The following PGBD2 variants were observed in gnomAD, a reference collection of about 807,000 sequenced individuals.
The protein encoded by PGBD2 is piggyBac transposable element-derived protein 2.
A neutral mutation model predicts 8.1 loss-of-function variants in PGBD2; 6 were observed. That is an observed-to-expected ratio of 0.74 (90% CI 0.40 to 1.46). The LOEUF is 1.46. PGBD2 is among the 40% of genes most tolerant of loss of function. The pLI is 0.02. For synonymous variants in PGBD2, 318 were observed against 272.2 expected, an observed-to-expected ratio of 1.17 and a Z score of -1.66; for missense variants, 802 against 739.0, an observed-to-expected ratio of 1.09 and a Z score of -0.99.
Position 248,916,997 on chromosome 1 carries a change from A to C in PGBD2, c.413A>C (p.Glu138Ala), listed in dbSNP as rs1203648787. ...DPHIEDLKSQELSPVGLFELF... is the reference protein window; with the variant it reads ...DPHIEDLKSQALSPVGLFELF... The stretch of plus-strand genomic sequence containing the variant: ...CATATTGAGGATCTGAAAAGCCAAG[A>C]GCTGAGTCCCGTGGGCCTTTTTGAG... The change falls in exon 3 of 3, where the codon GAG becomes GCG. Residue 138 changes from glutamate to alanine, a missense_variant. Coordinates refer to ENST00000329291, the MANE Select transcript of PGBD2 (RefSeq NM_170725.3). 1 of 1,613,254 alleles carries C rather than the reference A, an allele frequency of 6.2e-7. No homozygotes were observed. The highest frequency in any genetic ancestry group is 1.3e-5 in the African/African-American group (1 of 74,770).
the PGBD2 span, among the ~76,000 whole-genome samples, chr1:248,878,467 G>A: frequency 1.1e-4 from 17 of 152,130 alleles, no homozygotes; most frequent in Non-Finnish European, 1.9e-4. Context: ...GTGAGCCACC[G>A]CACCTGCTTC....
chr1:248,911,493 A>G (rs1424470366), intron 1 of PGBD2, among the ~76,000 whole-genome samples: 2 of 147,518 alleles, frequency 1.4e-5, no homozygotes, highest in South Asian at 4.2e-4. Flanking sequence ...ACAGAACAAA[A>G]CGAAAAGTCT....
At chr1:248,880,715 C>G in the PGBD2 span, among the ~76,000 whole-genome samples, 2 of 152,078 alleles carry the variant, frequency 1.3e-5, no homozygotes, top group Admixed American at 6.6e-5. Flanking sequence ...AACTGTTAGT[C>G]TTTGTTCCTC....
At chr1:248,898,377 C>A in the PGBD2 span, among the ~76,000 whole-genome samples, 4 of 152,168 alleles carry the variant, frequency 2.6e-5, no homozygotes, top group African/African-American at 9.7e-5. Context: ...GCCACCTTTG[C>A]TCTCCTGACC....
the PGBD2 span, among the ~76,000 whole-genome samples, chr1:248,889,255 C>T: frequency 1.3e-5 from 2 of 151,974 alleles, no homozygotes; most frequent in Non-Finnish European, 2.9e-5. Context: ...TGTGGTGGTG[C>T]GTGCCTGTAA....
At chr1:248,873,826 G>T in the PGBD2 span, among the ~76,000 whole-genome samples, 1 of 152,216 alleles carries the variant, frequency 6.6e-6, no homozygotes, top group Non-Finnish European at 1.5e-5. Flanking sequence ...CAAGTATGAG[G>T]CTAAGTGAGA....
downstream of PGBD2, among the ~76,000 whole-genome samples, chr1:248,924,809 T>G (rs540001112): frequency 1.8e-3 from 279 of 152,326 alleles, no homozygotes; most frequent in Admixed American, 3.7e-3. Context: ...TTGCTGCCAC[T>G]GGCCCCGGCA....
chr1:248,877,564 C>T, the PGBD2 span, among the ~76,000 whole-genome samples: 2 of 151,948 alleles, frequency 1.3e-5, no homozygotes, highest in Admixed American at 1.3e-4. Context: ...GGCTTGGATC[C>T]TGGTAAAACA....
At chr1:248,888,066 C>T in the PGBD2 span, among the ~76,000 whole-genome samples, 28 of 152,210 alleles carry the variant, frequency 1.8e-4, no homozygotes, top group Admixed American at 1.8e-3. Context: ...CAGCTGCATA[C>T]ATGTTGCTGC....
chr1:248,928,636 C>T, the PGBD2 span, among the ~76,000 whole-genome samples: 1,216 of 150,490 alleles, frequency 8.1e-3, 9 homozygotes, highest in Non-Finnish European at 0.013. Context: ...CACTGCATTC[C>T]AGGAACAGTA....
the PGBD2 span, among the ~76,000 whole-genome samples, chr1:248,892,269 C>T: frequency 6.9e-5 from 8 of 115,704 alleles, no homozygotes; most frequent in Non-Finnish European, 8.3e-5. Context: ...CTCCCTCCCT[C>T]CCTCCCTTCC....
the PGBD2 span, among the ~76,000 whole-genome samples, chr1:248,925,329 T>G: frequency 6.6e-6 from 1 of 152,144 alleles, no homozygotes; most frequent in Admixed American, 6.5e-5. Context: ...GGGCGGGCAG[T>G]GGGGCCCAGG....
intron 2 of PGBD2, chr1:248,914,702 CAT>C: frequency 1.1e-6 from 1 of 915,074 alleles, no homozygotes; most frequent in Non-Finnish European, 1.5e-6. Flanking sequence ...AGTCCATTCT[CAT>C]AGCCAGGGTG....
At chr1:248,924,247 T>C (rs1662342513), downstream of PGBD2, among the ~76,000 whole-genome samples, 1 of 152,188 alleles carries the variant, frequency 6.6e-6, no homozygotes, top group East Asian at 1.9e-4. Context: ...CTTATGCGCT[T>C]TTTTTCTAAG....
At chr1:248,897,285 C>T in the PGBD2 span, among the ~76,000 whole-genome samples, 7 of 130,106 alleles carry the variant, frequency 5.4e-5, no homozygotes, top group African/African-American at 2.6e-4. Context: ...AGTTGCTAGC[C>T]GATCGGAACA....
chr1:248,881,809 T>G, the PGBD2 span, among the ~76,000 whole-genome samples: 1 of 152,224 alleles, frequency 6.6e-6, no homozygotes, highest in South Asian at 2.1e-4. Flanking sequence ...ATGAGTACTG[T>G]TTGGTGCATG....
At chr1:248,926,455 G>A in the PGBD2 span, among the ~76,000 whole-genome samples, 1 of 152,186 alleles carries the variant, frequency 6.6e-6, no homozygotes, top group Non-Finnish European at 1.5e-5. Context: ...GGGCCTCCAG[G>A]AGCTGCAAGC....
chr1:248,926,532 T>G, the PGBD2 span, among the ~76,000 whole-genome samples: 5 of 152,206 alleles, frequency 3.3e-5, no homozygotes, highest in Non-Finnish European at 5.9e-5. Context: ...AAAGCTTCTT[T>G]TGGTCTAGTT....
chr1:248,902,304 C>T (rs911635554), upstream of PGBD2, among the ~76,000 whole-genome samples: 1 of 151,794 alleles, frequency 6.6e-6, no homozygotes, highest in Non-Finnish European at 1.5e-5. Flanking sequence ...GATACCATCT[C>T]ATGCCAGTCA....
Sources: gnomAD v4.1 joint callset for allele counts (sites outside exome capture counted in the v4.1 genomes callset) on GRCh38, gnomAD v4.1.1 for gene constraint, MANE v1.5 for transcripts, NCBI Gene and HGNC (gene_info 2026-07-23, HGNC 2026-07-21) for gene names.